Variants in FANK1 observed in about 807,000 individuals in gnomAD.
The protein encoded by FANK1 is fibronectin type III and ankyrin repeat domains 1.
FANK1 carries 44 observed loss-of-function variants against 45.3 expected under a neutral mutation model. The observed-to-expected ratio is 0.97, with a 90% confidence interval of 0.76 to 1.25. The LOEUF (loss-of-function observed/expected upper bound fraction) is 1.25, where lower values mean the gene tolerates loss of function less well. FANK1 is among the 50% of genes most tolerant of loss of function. The pLI is 0.00. For missense variants in FANK1, 391 were observed against 424.4 expected (o/e 0.92, Z 0.69); for synonymous variants, 149 against 152.5 (o/e 0.98, Z 0.17).
chr10:125,970,120 G>A (rs930632615), intron 1 of FANK1, among the ~76,000 whole-genome samples: 6 of 152,118 alleles, frequency 3.9e-5, no homozygotes, highest in East Asian at 1.9e-4. Context: ...ATCATGGCCC[G>A]TTCTCAATGA....
intron 1 of FANK1, among the ~76,000 whole-genome samples, chr10:125,925,847 A>G (rs971474574): frequency 6.6e-6 from 1 of 152,126 alleles, no homozygotes; most frequent in Non-Finnish European, 1.5e-5. Flanking sequence ...ATTCTGACAT[A>G]CTTGGATTCT....
At chr10:125,994,803 G>A (rs894854805) in intron 3 of FANK1, 5 of 985,232 alleles carry the variant, frequency 5.1e-6, no homozygotes, top group Non-Finnish European at 6.0e-6. Context: ...CTCCTCCCCG[G>A]CTGTGGCCCA....
chr10:125,958,438 T>C (rs981084861), intron 1 of FANK1, among the ~76,000 whole-genome samples: 1 of 152,196 alleles, frequency 6.6e-6, no homozygotes, highest in African/African-American at 2.4e-5. Context: ...GGTTTCGCCA[T>C]GTTGGCCAGG....
chr10:125,998,656 AAG>A (rs1952523518), intron 6 of FANK1, among the ~76,000 whole-genome samples: 1 of 152,190 alleles, frequency 6.6e-6, no homozygotes, highest in African/African-American at 2.4e-5. Flanking sequence ...AGAAGTTTGA[AAG>A]AGAAGAATAA....
At chr10:125,992,129 G>A (rs1951989995) in intron 3 of FANK1, among the ~76,000 whole-genome samples, 1 of 152,254 alleles carries the variant, frequency 6.6e-6, no homozygotes, top group East Asian at 1.9e-4. Context: ...CATTCCCTTG[G>A]GCCAGGCCCA....
intron 2 of FANK1, chr10:125,980,735 ACT>A (rs1237665198): frequency 7.0e-5 from 12 of 170,964 alleles, no homozygotes; most frequent in Non-Finnish European, 8.7e-5. Flanking sequence ...CCCCTTGTCA[ACT>A]CTCTTATACC....
At chr10:125,905,208 G>GAT (rs1277811380) in intron 1 of FANK1, among the ~76,000 whole-genome samples, 2 of 152,304 alleles carry the variant, frequency 1.3e-5, no homozygotes, top group Non-Finnish European at 2.9e-5. Context: ...GAGGTGGGAG[G>GAT]ATCACTGGAA....
At chr10:125,920,091 T>A (rs1443617567) in intron 1 of FANK1, among the ~76,000 whole-genome samples, 1 of 151,482 alleles carries the variant, frequency 6.6e-6, no homozygotes, top group African/African-American at 2.5e-5. Context: ...TCTCTCGTAC[T>A]CTCTGTGGCT....
Position 125,996,635 on chromosome 10 carries a change from T to C in FANK1, c.473+11T>C, listed in dbSNP as rs1228435581. The C allele has an allele frequency of 6.2e-7, 1 of 1,612,258 alleles. No homozygotes were observed. The highest frequency in any genetic ancestry group is 8.5e-7 in the Non-Finnish European group (1 of 1,179,152). On this transcript the variant is annotated intron_variant, in intron 5 of 10. Coordinates refer to ENST00000368693, the MANE Select transcript of FANK1 (RefSeq NM_145235.5). ...GAAAGGATACACCAGGTATGGCTCT[T>C]CTTTTTTTTAAATCTCTCTTGGGGA...
rs1301097458 is a variant in FANK1 at position 126,009,375 on chromosome 10, TG to T, written c.976del (p.Val326Ter). ...GCCTGTCTGTTTTGTTTATCTAGAG[TG>T]TAGTCTCCTTATTAGAAGAAAGGAA... ...EMARVFDRQS[V>X]VSLLEERKKK... On this transcript the variant is annotated frameshift_variant, in exon 11 of 11. Coordinates refer to ENST00000368693, the MANE Select transcript of FANK1 (RefSeq NM_145235.5). LOFTEE classifies it high-confidence loss of function. 6.2e-7 allele frequency: 1 copy of T among 1,613,786 alleles called. No individual in the cohort carries two copies. Among genetic ancestry groups the T allele is most frequent in the Non-Finnish European group, 8.5e-7 (1 of 1,179,984 alleles).
chr10:125,959,663 AC>A (rs1307803894), intron 1 of FANK1, among the ~76,000 whole-genome samples: 17 of 152,300 alleles, frequency 1.1e-4, no homozygotes, highest in African/African-American at 3.9e-4. Flanking sequence ...AATTAGTAAA[AC>A]CTACTCTTTT....
At chr10:125,950,182 T>A (rs1246761597) in intron 1 of FANK1, among the ~76,000 whole-genome samples, 1 of 149,844 alleles carries the variant, frequency 6.7e-6, no homozygotes, top group African/African-American at 2.5e-5. Flanking sequence ...AACCTAGGCA[T>A]TACCATTCAG....
Position 125,988,436 on chromosome 10 carries a change from G to A in FANK1, c.192-115G>A, listed in dbSNP as rs73370557. The A allele has an allele frequency of 4.6e-3, 6,279 of 1,376,290 alleles. 180 individuals are homozygous for A. The African/African-American group carries it at 0.067, about 15-fold the overall frequency. 85.3% of individuals were successfully genotyped at this position (1,376,290 alleles called of 1,614,324 possible). On this transcript the variant is annotated intron_variant, in intron 2 of 10. Transcript: ENST00000368693. ...GGAGTTCAGCAAAGCAGGATCCATC[G>A]GCTGTGTCCTGGAAATAGAAGGAAA...
At position 125,955,552 on chromosome 10, in the gene FANK1, C is replaced by T. The variant is rs567687871; in HGVS notation, c.14-24609C>T. On this transcript the variant is annotated intron_variant, in intron 1 of 10. Coordinates refer to ENST00000368693, the MANE Select transcript of FANK1 (RefSeq NM_145235.5). ...CTGGAGTGCAGTGGTGCGATCATGACTCACTGCAGCCTTGACCTCCCAGGC... is the reference window on the plus strand; with the variant it reads ...CTGGAGTGCAGTGGTGCGATCATGATTCACTGCAGCCTTGACCTCCCAGGC... Among the ~76,000 whole-genome samples the T allele has an allele frequency of 3.1e-3, 466 of 152,264 alleles. 1 individual carries two copies. Among genetic ancestry groups the T allele is most frequent in the African/African-American group, 0.011 (459 of 41,542 alleles).
At chr10:125,955,752 G>A (rs185134558) in intron 1 of FANK1, among the ~76,000 whole-genome samples, 1 of 152,160 alleles carries the variant, frequency 6.6e-6, no homozygotes, top group Admixed American at 6.5e-5. Context: ...GATTACAGGT[G>A]TGAGCCACTG....
At chr10:126,001,480 C>G (rs936363704) in intron 6 of FANK1, among the ~76,000 whole-genome samples, 1 of 152,174 alleles carries the variant, frequency 6.6e-6, no homozygotes, top group Non-Finnish European at 1.5e-5. Context: ...CAGCAGCAGG[C>G]AAGCGGAGCG....
intron 1 of FANK1, among the ~76,000 whole-genome samples, chr10:125,920,437 CA>C (rs1465851961): frequency 1.3e-5 from 2 of 152,122 alleles, no homozygotes; most frequent in African/African-American, 4.8e-5. Context: ...AGGAAATTTA[CA>C]GAGATTTTTT....
intron 6 of FANK1, 121 bp downstream of exon 6, chr10:125,997,606 T>A: frequency 1.2e-6 from 1 of 850,060 alleles, no homozygotes; most frequent in Non-Finnish European, 1.8e-6. Flanking sequence ...TCCTGAGAGG[T>A]GAGTGGGTCG....
intron 1 of FANK1, among the ~76,000 whole-genome samples, chr10:125,903,231 G>T (rs1373461808): frequency 4.6e-5 from 7 of 152,262 alleles, no homozygotes; most frequent in African/African-American, 1.7e-4. Flanking sequence ...ATTAAAGGAG[G>T]GGTTTGTGCA....
Sources: gnomAD v4.1 joint callset for allele counts (sites outside exome capture counted in the v4.1 genomes callset) on GRCh38, gnomAD v4.1.1 for gene constraint, MANE v1.5 for transcripts, NCBI Gene and HGNC (gene_info 2026-07-23, HGNC 2026-07-21) for gene names.